DHX32: variants seen among roughly 807,000 people sequenced by gnomAD.
The protein encoded by DHX32 is putative pre-mRNA-splicing factor ATP-dependent RNA helicase DHX32.
DHX32 carries 51 observed loss-of-function variants against 70.0 expected under a neutral mutation model. That is an observed-to-expected ratio of 0.73 (90% CI 0.58 to 0.92). The LOEUF (loss-of-function observed/expected upper bound fraction) is 0.92. DHX32 is among the 40% of genes least tolerant of loss of function. The pLI, the probability that DHX32 is intolerant of heterozygous loss-of-function variation, is 0.00. For synonymous variants in DHX32, 310 were observed against 315.3 expected, an observed-to-expected ratio of 0.98 and a Z score of 0.18; for missense variants, 762 against 891.8, an observed-to-expected ratio of 0.85 and a Z score of 1.85.
intron 3 of DHX32, among the ~76,000 whole-genome samples, chr10:125,856,589 G>A (rs940430817): frequency 6.6e-6 from 1 of 152,174 alleles, no homozygotes; most frequent in African/African-American, 2.4e-5. Flanking sequence ...TAAGGCAAAT[G>A]CACTGCCGTT....
At position 125,878,715 on chromosome 10, in the gene DHX32, C is replaced by G. The variant is rs573204816; in HGVS notation, c.282+1828G>C. On this transcript the variant is annotated intron_variant, in intron 1 of 10. Transcript: ENST00000284690. ...GTTTTTTTTTGTTTTGTTTTGTTTT[C>G]TTTTTTTTTTTGAGATGGAGTCTTA... is the stretch of plus-strand genomic sequence containing the variant. 2.9e-3 allele frequency among the ~76,000 whole-genome samples: 412 copies of G among 142,834 alleles called. 1 individual carries two copies. The highest frequency in any genetic ancestry group is 0.01 in the African/African-American group (396 of 39,238). 93.7% of individuals were successfully genotyped at this position (142,834 alleles called of 152,430 possible). A position where few individuals can be genotyped will look rare whatever the true frequency, so the allele number is the denominator to read the frequency against.
At chr10:125,876,499 C>T (rs1004096926) in intron 1 of DHX32, among the ~76,000 whole-genome samples, 1 of 152,118 alleles carries the variant, frequency 6.6e-6, no homozygotes, top group Admixed American at 6.5e-5. Context: ...CAGGCAGATA[C>T]CACCTTACCA....
chr10:125,890,092 T>A (rs1441012185), intron 1 of DHX32, among the ~76,000 whole-genome samples: 3 of 152,194 alleles, frequency 2.0e-5, no homozygotes, highest in African/African-American at 7.2e-5. Context: ...TAGGCTCACG[T>A]TGCATCACTG....
chr10:125,840,704 G>T, intron 8 of DHX32, 143 bp downstream of exon 8: 2 of 832,372 alleles, frequency 2.4e-6, no homozygotes, highest in Non-Finnish European at 3.6e-6. Context: ...ATGCCTGTGG[G>T]TGCGTTTAGG....
chr10:125,895,388 G>T (rs1238977012), intron 1 of DHX32, among the ~76,000 whole-genome samples: 4 of 152,208 alleles, frequency 2.6e-5, no homozygotes, highest in African/African-American at 9.6e-5. Context: ...ATAATCTCCA[G>T]ACCTGAATAC....
At chr10:125,837,912 C>T (rs1318494879) in intron 10 of DHX32, among the ~76,000 whole-genome samples, 1 of 152,180 alleles carries the variant, frequency 6.6e-6, no homozygotes, top group African/African-American at 2.4e-5. Context: ...AAGCTCATTC[C>T]TCTCAAGGTC....
intron 2 of DHX32, among the ~76,000 whole-genome samples, 162 bp from the exon 3 acceptor site, chr10:125,860,137 A>G (rs1182896476): frequency 6.6e-6 from 1 of 152,214 alleles, no homozygotes. Context: ...CTACAGAATT[A>G]TAGCACAAAA....
rs527994014 is a variant in DHX32, at chr10:125,867,193, G to A, written c.283-10C>T. ...CACACCACTGAGGAACCTGTAGCAG[G>A]AAAAAATGAGACAGGATCAGCTTCT... On this transcript the variant is annotated splice_polypyrimidine_tract_variant and intron_variant, in intron 1 of 10. Coordinates refer to ENST00000284690, the MANE Select transcript of DHX32 (RefSeq NM_018180.3). 2.8e-5 allele frequency: 45 copies of A among 1,579,382 alleles called. 1 individual carries two copies. The highest frequency in any genetic ancestry group is 3.5e-4 in the Middle Eastern group (2 of 5,760).
intron 4 of DHX32, 118 bp downstream of exon 4, chr10:125,853,843 A>T (rs1944122123): frequency 7.6e-7 from 1 of 1,316,768 alleles, no homozygotes; most frequent in African/African-American, 1.5e-5. Context: ...ACCAAATTCA[A>T]CGAATCCCCA....
intron 4 of DHX32, chr10:125,853,317 T>C: frequency 3.6e-6 from 3 of 824,228 alleles, no homozygotes; most frequent in Non-Finnish European, 5.3e-6. Flanking sequence ...AATGGTAAAT[T>C]AGTCAATATT....
chr10:125,840,298 G>C (rs1854835609), intron 8 of DHX32, among the ~76,000 whole-genome samples: 3 of 152,178 alleles, frequency 2.0e-5, no homozygotes, highest in Admixed American at 2.0e-4. Context: ...AGGACTTTGT[G>C]GCTTTGCTTT....
In DHX32 at chr10:125,841,808, G is replaced by A; in HGVS notation, c.1478C>T (p.Ser493Phe). Residue 493 changes from serine (S) to phenylalanine (F), a missense_variant, in exon 7 of 11, where the codon TCT becomes TTT. By Grantham distance (155) the Ser-to-Phe change is radical. This residue lies in a region of DHX32 where 366 missense variants were observed against 402.6 expected (regional missense o/e 0.91). Transcript: ENST00000284690. The part of the protein sequence containing the change: ...EFPLDPQLSK[S>F]ILASCEFDCV... ...GTCAAATTCACAGGACGCTAAGATAGACTTCGAGAGTTGTGGATCAAGAGG... is the reference window on the plus strand; with the variant it reads ...GTCAAATTCACAGGACGCTAAGATAAACTTCGAGAGTTGTGGATCAAGAGG... The A allele has an allele frequency of 8.7e-6, 14 of 1,613,618 alleles. No individual in the cohort carries two copies. The highest frequency in any genetic ancestry group is 1.2e-5 in the Non-Finnish European group (14 of 1,179,914).
At chr10:125,839,938 A>C (rs1228466851) in intron 8 of DHX32, among the ~76,000 whole-genome samples, 1 of 152,210 alleles carries the variant, frequency 6.6e-6, no homozygotes, top group Non-Finnish European at 1.5e-5. Flanking sequence ...AAAAGGTGCC[A>C]CCAGATTCCT....
At chr10:125,893,106 A>C (rs79189117) in intron 1 of DHX32, among the ~76,000 whole-genome samples, 1 of 150,608 alleles carries the variant, frequency 6.6e-6, no homozygotes, top group Non-Finnish European at 1.5e-5. Context: ...CATCCTACAG[A>C]GCTAAATGCT....
chr10:125,895,832 T>C (rs569019533), intron 1 of DHX32, among the ~76,000 whole-genome samples: 2 of 151,024 alleles, frequency 1.3e-5, no homozygotes, highest in Non-Finnish European at 2.9e-5. Flanking sequence ...AAAACCGTGC[T>C]CCTGGCTCTC....
rs565496653 is a variant in DHX32 at position 125,841,608 on chromosome 10, C to T, written c.1543+135G>A. On this transcript the variant is annotated intron_variant, in intron 7 of 10. Transcript: ENST00000284690. ...CTAACCTATTAAAATACCTCACTAT[C>T]ATTTCAAAAGGTTAAATGAGTTGAT... The T allele has an allele frequency of 1.9e-4, 278 of 1,456,714 alleles. 1 individual carries two copies. In the East Asian group the frequency reaches 6.8e-3, roughly 36 times the overall value. 90.2% of individuals were successfully genotyped at this position (1,456,714 alleles called of 1,614,324 possible).
chr10:125,878,441 CT>C (rs1444877673), intron 1 of DHX32, among the ~76,000 whole-genome samples: 1 of 152,100 alleles, frequency 6.6e-6, no homozygotes, highest in Non-Finnish European at 1.5e-5. Flanking sequence ...TCCCCACAAC[CT>C]TTTTTACTTT....
intron 3 of DHX32, 186 bp from the exon 4 acceptor site, chr10:125,854,389 G>A (rs1485265018): frequency 2.2e-5 from 10 of 445,946 alleles, no homozygotes; most frequent in Non-Finnish European, 7.5e-6. Flanking sequence ...AACGTCTTTG[G>A]GGAAGTTAAA....
At chr10:125,882,744 C>A (rs1944325345), upstream of DHX32, among the ~76,000 whole-genome samples, 1 of 152,146 alleles carries the variant, frequency 6.6e-6, no homozygotes, top group Non-Finnish European at 1.5e-5. Context: ...CTCTTCACTG[C>A]CTCTATAAGG....
Sources: gnomAD v4.1 joint callset for allele counts (sites outside exome capture counted in the v4.1 genomes callset) on GRCh38, gnomAD v4.1.1 for gene constraint, gnomAD v4.1.1 regional missense constraint, MANE v1.5 for transcripts, NCBI Gene and HGNC (gene_info 2026-07-23, HGNC 2026-07-21) for gene names.